UHRF1: variants seen among roughly 807,000 people sequenced by gnomAD.
UHRF1 encodes E3 ubiquitin-protein ligase UHRF1.
In UHRF1, 9 loss-of-function variants were observed where a neutral mutation model predicts 96.5. That is an observed-to-expected ratio of 0.09 (90% CI 0.06 to 0.16). The LOEUF is 0.16. UHRF1 is among the 10% of genes least tolerant of loss of function. The pLI, the probability that UHRF1 is intolerant of heterozygous loss-of-function variation, is 1.00. For missense variants in UHRF1, 626 were observed against 1,131.1 expected (o/e 0.55, Z 6.40); for synonymous variants, 455 against 469.9 (o/e 0.97, Z 0.41).
chr19:4,948,008 G>GCAGGAGGATCACTTGAGCC (rs2033618623), intron 11 of UHRF1, among the ~76,000 whole-genome samples: 2 of 151,410 alleles, frequency 1.3e-5, no homozygotes. Context: ...GGAGGCTGAG[G>GCAGGAGGATCACTTGAGCC]CAGGAGGATC....
At chr19:4,922,140 T>C (rs1233338281) in intron 2 of UHRF1, among the ~76,000 whole-genome samples, 2 of 152,104 alleles carry the variant, frequency 1.3e-5, no homozygotes, top group African/African-American at 4.8e-5. Flanking sequence ...AGAGATGGAG[T>C]CTCACCATGT....
intron 5 of UHRF1, among the ~76,000 whole-genome samples, chr19:4,935,154 G>A (rs528082910): frequency 6.6e-6 from 1 of 152,178 alleles, no homozygotes; most frequent in African/African-American, 2.4e-5. Context: ...TTTTAGTGGA[G>A]ACAGAGTTTC....
At position 4,924,304 on chromosome 19, in the gene UHRF1, C is replaced by T. The variant is rs1160622829; in HGVS notation, c.154-4918C>T. Among the ~76,000 whole-genome samples, 7 of 152,286 alleles carry T rather than the reference C, an allele frequency of 4.6e-5. No homozygotes were observed. In the East Asian group the frequency reaches 7.7e-4, roughly 17 times the overall value. ...AGCTGGGACTACAGGTGCCCGCCACCACGCCTGGCTAATTTTTTGTATTTT... is the reference window on the plus strand; with the variant it reads ...AGCTGGGACTACAGGTGCCCGCCACTACGCCTGGCTAATTTTTTGTATTTT... On this transcript the variant is annotated intron_variant, in intron 2 of 16. Coordinates refer to ENST00000650932, the MANE Select transcript of UHRF1 (RefSeq NM_001048201.3).
At chr19:4,910,702 A>G (rs955675207) in intron 1 of UHRF1, 174 bp from the exon 2 acceptor site, 1 of 579,698 alleles carries the variant, frequency 1.7e-6, no homozygotes, top group Non-Finnish European at 2.8e-6. Flanking sequence ...TAAGTGCTTA[A>G]TTTGTTGTGT....
At chr19:4,950,346 C>T (rs968767549) in intron 11 of UHRF1, among the ~76,000 whole-genome samples, 12 of 151,414 alleles carry the variant, frequency 7.9e-5, no homozygotes, top group Admixed American at 4.6e-4. Flanking sequence ...CAGACTCAAG[C>T]GATTCTCCTG....
At chr19:4,951,659 C>T (rs568891557) in intron 13 of UHRF1, among the ~76,000 whole-genome samples, 7 of 144,274 alleles carry the variant, frequency 4.9e-5, no homozygotes, top group Non-Finnish European at 9.0e-5. Flanking sequence ...ACCAGTCAGG[C>T]ATCTGGTGTC....
At chr19:4,941,291 A>G (rs974565564) in intron 5 of UHRF1, among the ~76,000 whole-genome samples, 2 of 151,608 alleles carry the variant, frequency 1.3e-5, no homozygotes, top group Admixed American at 6.6e-5. Flanking sequence ...GGGGTTCACC[A>G]TGTTGGCCAG....
At position 4,930,121 on chromosome 19, in the gene UHRF1, T is replaced by C. The variant is rs565050729; in HGVS notation, c.409-595T>C. On this transcript the variant is annotated intron_variant, in intron 3 of 16. Transcript: ENST00000650932. The surrounding 1 kb of genome is among the most constrained non-coding windows in gnomAD (Gnocchi z 4.4). ...TCCTGAGTAGCTGGGATTACAGGCA[T>C]GTGCCACCACACCTGGCTAATTTTT... Among the ~76,000 whole-genome samples the C allele has an allele frequency of 7.2e-5, 11 of 152,268 alleles. No homozygotes were observed. In the East Asian group the frequency reaches 7.7e-4, roughly 11 times the overall value.
At chr19:4,920,874 C>T (rs1255510927) in intron 2 of UHRF1, among the ~76,000 whole-genome samples, 1 of 152,154 alleles carries the variant, frequency 6.6e-6, no homozygotes, top group Non-Finnish European at 1.5e-5. Flanking sequence ...ACCTGTAATC[C>T]CAGCACTTTG....
At chr19:4,959,455 G>GATGAGA (rs1239311818) in intron 16 of UHRF1, among the ~76,000 whole-genome samples, 6 of 152,202 alleles carry the variant, frequency 3.9e-5, no homozygotes, top group African/African-American at 1.4e-4. Context: ...CTGCAGACAT[G>GATGAGA]TGCCCCCTGC....
chr19:4,926,694 G>T (rs2032881103), intron 2 of UHRF1, among the ~76,000 whole-genome samples: 1 of 151,884 alleles, frequency 6.6e-6, no homozygotes, highest in Non-Finnish European at 1.5e-5. Context: ...TGAGCCCAAG[G>T]TTCGATGCTG....
At chr19:4,933,277 T>G (rs2602695) in intron 5 of UHRF1, among the ~76,000 whole-genome samples, 69,869 of 151,968 alleles carry the variant, frequency 0.46, 16,708 homozygotes, top group Admixed American at 0.56. Context: ...GTGCAGTGGT[T>G]CGATCTCGGT....
chr19:4,943,386 T>TA (rs1210020340), intron 7 of UHRF1, among the ~76,000 whole-genome samples: 2 of 151,924 alleles, frequency 1.3e-5, no homozygotes, highest in Non-Finnish European at 2.9e-5. Context: ...CTGGCGCACA[T>TA]AATGACAATT....
intron 5 of UHRF1, 51 bp downstream of exon 5, chr19:4,933,007 C>A: frequency 1.3e-6 from 2 of 1,520,280 alleles, no homozygotes; most frequent in South Asian, 1.2e-5. Context: ...TCCTCCCCTC[C>A]CGGGGCCCCC....
At position 4,930,915 on chromosome 19, in the gene UHRF1, T is replaced by A. The variant is rs761903274; in HGVS notation, c.569+39T>A. ...GGTGGGCGGGCCTGGGTATTCAGGC[T>A]CTGTGACGCGCATCCTTGGCTGCGG... On this transcript the variant is annotated intron_variant, in intron 4 of 16. Coordinates refer to ENST00000650932, the MANE Select transcript of UHRF1 (RefSeq NM_001048201.3). The surrounding 1 kb of genome is among the most constrained non-coding windows in gnomAD (Gnocchi z 4.4). 4 of 1,609,612 alleles carry A rather than the reference T, an allele frequency of 2.5e-6. No individual in the cohort carries two copies. In the South Asian group the frequency reaches 3.3e-5, roughly 13 times the overall value.
chr19:4,950,232 CTT>C (rs1043836240), intron 11 of UHRF1, among the ~76,000 whole-genome samples: 43 of 148,998 alleles, frequency 2.9e-4, no homozygotes, highest in Non-Finnish European at 8.9e-5. Context: ...ACATATATAA[CTT>C]TGAAATATTA....
At chr19:4,918,715 GTTT>G (rs536401524) in intron 2 of UHRF1, among the ~76,000 whole-genome samples, 3 of 115,328 alleles carry the variant, frequency 2.6e-5, no homozygotes, top group African/African-American at 7.2e-5. Context: ...TGCCCAGCTG[GTTT>G]TTTTTTTTTT....
At position 4,947,490 on chromosome 19, in the gene UHRF1, CTTTTT is replaced by C. The variant is rs985069179; in HGVS notation, c.1517+304_1517+308del. On this transcript the variant is annotated intron_variant, in intron 11 of 16. Coordinates refer to ENST00000650932, the MANE Select transcript of UHRF1 (RefSeq NM_001048201.3). The stretch of plus-strand genomic sequence containing the variant: ...CTATAAAAGGCCAGATAATAGATAT[CTTTTT>C]TTTTTTTTTTTTTTTTTTTTTTTTG... 3.4e-3 allele frequency among the ~76,000 whole-genome samples: 194 copies of C among 57,868 alleles called. 2 individuals are homozygous for C. Among genetic ancestry groups the C allele is most frequent in the African/African-American group, 0.011 (170 of 14,954 alleles). 38.0% of individuals were successfully genotyped at this position (57,868 alleles called of 152,430 possible). A position where few individuals can be genotyped will look rare whatever the true frequency, so the allele number is the denominator to read the frequency against.
In UHRF1 at chr19:4,954,965, C is replaced by T. The variant is rs2033818441; in HGVS notation, c.2130+143C>T. On this transcript the variant is annotated intron_variant, in intron 15 of 16. Transcript: ENST00000650932. The surrounding 1 kb of genome is among the most constrained non-coding windows in gnomAD (Gnocchi z 5.9). ...CTTGTGGTTGTGCAACCATCACCAC[C>T]ATCACCACCTCCAGAACTTTATCCT... 5.8e-6 allele frequency: 6 copies of T among 1,028,196 alleles called. No homozygotes were observed. The highest frequency in any genetic ancestry group is 4.9e-5 in the Admixed American group (2 of 41,122). 63.7% of individuals were successfully genotyped at this position (1,028,196 alleles called of 1,614,324 possible).
Sources: allele counts gnomAD v4.1 joint callset (sites outside exome capture counted in the v4.1 genomes callset), GRCh38; gene constraint gnomAD v4.1.1; non-coding constraint Gnocchi (gnomAD v3.1); transcripts MANE v1.5; gene names NCBI Gene and HGNC (gene_info 2026-07-23, HGNC 2026-07-21).